The following GABRG1 variants were observed in gnomAD, a reference collection of about 807,000 sequenced individuals.
The protein encoded by GABRG1 is gamma-aminobutyric acid receptor subunit gamma-1.
Under a neutral mutation model 49.8 loss-of-function variants are expected in GABRG1, and 49 were observed. The observed-to-expected ratio is 0.98, with a 90% CI of 0.78 to 1.25. The LOEUF (loss-of-function observed/expected upper bound fraction) is 1.25. GABRG1 is among the 50% of genes most tolerant of loss of function. The probability of loss-of-function intolerance (pLI) is 0.00; values close to 1 mark genes in which losing one functional copy is unlikely to be tolerated. For missense variants in GABRG1, 552 were observed against 552.3 expected (o/e 1.00, Z 0.01); for synonymous variants, 232 against 185.1 (o/e 1.25, Z -2.06).
At chr4:46,070,755 A>G (rs555305155) in intron 3 of GABRG1, among the ~76,000 whole-genome samples, 1 of 152,162 alleles carries the variant, frequency 6.6e-6, no homozygotes, top group East Asian at 1.9e-4. Context: ...GGAAGAGTTT[A>G]TGATTCAGTC....
intron 2 of GABRG1, among the ~76,000 whole-genome samples, chr4:46,096,033 G>C (rs1334007636): frequency 2.0e-5 from 3 of 151,664 alleles, no homozygotes; most frequent in African/African-American, 7.3e-5. Flanking sequence ...TCATCATTTA[G>C]CTCCCGCTTA....
intron 2 of GABRG1, among the ~76,000 whole-genome samples, chr4:46,087,739 T>C (rs1350868674): frequency 6.6e-6 from 1 of 151,926 alleles, no homozygotes; most frequent in Non-Finnish European, 1.5e-5. Flanking sequence ...CCCTAGACTA[T>C]ACAGCAGAAG....
chr4:46,056,721 A>G (rs1345248317), intron 7 of GABRG1, among the ~76,000 whole-genome samples: 1 of 152,098 alleles, frequency 6.6e-6, no homozygotes, highest in Non-Finnish European at 1.5e-5. Context: ...CATTGGATAC[A>G]TTGTAGAAAA....
At chr4:46,090,655 T>C (rs1719944853) in intron 2 of GABRG1, among the ~76,000 whole-genome samples, 2 of 151,936 alleles carry the variant, frequency 1.3e-5, no homozygotes, top group Non-Finnish European at 2.9e-5. Context: ...TAAAGAAAAC[T>C]ATAAATTTTT....
At chr4:46,103,745 T>A (rs1225753490) in intron 1 of GABRG1, among the ~76,000 whole-genome samples, 1 of 151,462 alleles carries the variant, frequency 6.6e-6, no homozygotes, top group African/African-American at 2.4e-5. Flanking sequence ...GTCATTTTGC[T>A]ACTCCTATTA....
intron 3 of GABRG1, among the ~76,000 whole-genome samples, chr4:46,067,681 T>A (rs560502131): frequency 6.6e-6 from 1 of 152,262 alleles, no homozygotes. Flanking sequence ...CTGAAAGTAC[T>A]TTTGCAACCA....
At chr4:46,093,013 G>A (rs1720042036) in intron 2 of GABRG1, among the ~76,000 whole-genome samples, 1 of 148,872 alleles carries the variant, frequency 6.7e-6, no homozygotes, top group Admixed American at 6.7e-5. Flanking sequence ...AGGTTGCATT[G>A]AGCCAAGATT....
chr4:46,056,132 AAAAAATAAATAAATAAATT>A (rs1560351285), intron 7 of GABRG1, among the ~76,000 whole-genome samples: 1 of 30,438 alleles, frequency 3.3e-5, no homozygotes, highest in Non-Finnish European at 5.7e-5. Context: ...AGGAAAAAAA[AAAAAATAAATAAATAAATT>A]AAAAAAAAAA....
At chr4:46,121,185 G>A (rs1469283162) in intron 1 of GABRG1, among the ~76,000 whole-genome samples, 1 of 151,854 alleles carries the variant, frequency 6.6e-6, no homozygotes, top group Non-Finnish European at 1.5e-5. Context: ...TCCAATTTGG[G>A]AAGTCCCCAA....
rs1236167866 is a variant in GABRG1 at position 46,038,458 on chromosome 4, T to C, written c.*2530A>G. On this transcript the variant is annotated 3_prime_UTR_variant, in exon 9 of 9. Coordinates refer to ENST00000295452, the MANE Select transcript of GABRG1 (RefSeq NM_173536.4). ...ATTCTTTATATCTAATTTTGGGGTC[T>C]ATGTTAGCATTAAAAACATTGAAAG... 2 of 151,666 alleles carry C rather than the reference T, an allele frequency of 1.3e-5. No individual in the cohort carries two copies. The highest frequency in any genetic ancestry group is 3.0e-5 in the Non-Finnish European group (2 of 67,680). The allele number at this position is 151,666 out of a possible 1,614,324, so 9.4% of individuals were successfully genotyped here. A position where few individuals can be genotyped will look rare whatever the true frequency, so the allele number is the denominator to read the frequency against.
chr4:46,121,032 A>G (rs1046729730), intron 1 of GABRG1, among the ~76,000 whole-genome samples: 2 of 151,850 alleles, frequency 1.3e-5, no homozygotes, highest in Non-Finnish European at 2.9e-5. Context: ...CACAGGAACC[A>G]TGACTACAGT....
chr4:46,077,923 T>C (rs1207725645), intron 3 of GABRG1, among the ~76,000 whole-genome samples: 1 of 151,762 alleles, frequency 6.6e-6, no homozygotes, highest in Admixed American at 6.6e-5. Context: ...TTCATATTTA[T>C]AGAGTCAATG....
chr4:46,062,288 G>T (rs1395946961), intron 5 of GABRG1, among the ~76,000 whole-genome samples: 2 of 151,712 alleles, frequency 1.3e-5, no homozygotes, highest in African/African-American at 4.8e-5. Flanking sequence ...TTGGACATTT[G>T]GGTTGGTTCC....
chr4:46,117,640 A>ATATACATATATATGTATATACG (rs1443087039), intron 1 of GABRG1, among the ~76,000 whole-genome samples: 17 of 144,946 alleles, frequency 1.2e-4, no homozygotes, highest in African/African-American at 4.3e-4. Flanking sequence ...ATGTATACAT[A>ATATACATATATATGTATATACG]TATACATATA....
At chr4:46,106,770 C>T (rs1279187139) in intron 1 of GABRG1, among the ~76,000 whole-genome samples, 1 of 124,970 alleles carries the variant, frequency 8.0e-6, no homozygotes, top group South Asian at 3.0e-4. Flanking sequence ...TGAAATAAAA[C>T]ATGTGGAGGT....
intron 5 of GABRG1, among the ~76,000 whole-genome samples, chr4:46,061,999 T>A (rs1577640213): frequency 6.7e-6 from 1 of 150,140 alleles, no homozygotes; most frequent in Non-Finnish European, 1.5e-5. Context: ...TAGCATTACG[T>A]ATATCTCCTA....
In GABRG1 at chr4:46,041,021, G is replaced by A; in HGVS notation, c.1365C>T (p.Asn455=). The A allele has an allele frequency of 3.7e-6, 6 of 1,612,496 alleles. No individual in the cohort carries two copies. Among genetic ancestry groups the A allele is most frequent in the Non-Finnish European group, 5.1e-6 (6 of 1,178,994 alleles). The change falls in exon 9 of 9, where the codon AAC becomes AAT. Residue 455 remains asparagine, a synonymous_variant. Transcript: ENST00000295452. ...IFFPTAFALF[N]LVYWVGYLYL is the part of the protein sequence containing the mutation. ...AAAGATAGCCAACCCAATAAACCAA[G>A]TTGAACAGGGCAAAAGCGGTTGGGA...
At position 46,038,651 on chromosome 4, in the gene GABRG1, T is replaced by A. The variant is rs772519868; in HGVS notation, c.*2337A>T. On this transcript the variant is annotated 3_prime_UTR_variant, in exon 9 of 9. Coordinates refer to ENST00000295452, the MANE Select transcript of GABRG1 (RefSeq NM_173536.4). ...GCTTTGAAAAAAAGCTGTATTTGAT[T>A]TCTTGAGAAAGAAGTCTAAATGTAG... The A allele has an allele frequency of 1.3e-5, 2 of 151,656 alleles. No individual in the cohort carries two copies. Among genetic ancestry groups the A allele is most frequent in the African/African-American group, 2.4e-5 (1 of 41,424 alleles). 9.4% of individuals were successfully genotyped at this position (151,656 alleles called of 1,614,324 possible). A position where few individuals can be genotyped will look rare whatever the true frequency, so the allele number is the denominator to read the frequency against.
chr4:46,108,575 C>T (rs987518776), intron 1 of GABRG1, among the ~76,000 whole-genome samples: 6 of 150,900 alleles, frequency 4.0e-5, no homozygotes, highest in Middle Eastern at 3.4e-3. Context: ...CCACTATCCA[C>T]GAGTGTGGAG....
Sources: gnomAD v4.1 joint callset for allele counts (sites outside exome capture counted in the v4.1 genomes callset) on GRCh38, gnomAD v4.1.1 for gene constraint, MANE v1.5 for transcripts, NCBI Gene and HGNC (gene_info 2026-07-23, HGNC 2026-07-21) for gene names.